LCT: variants seen among roughly 807,000 people sequenced by gnomAD.
The protein encoded by LCT is lactase, also known as lactase/phlorizin hydrolase.
A neutral mutation model predicts 173.0 loss-of-function variants in LCT; 90 were observed. The observed-to-expected ratio is 0.52, with a 90% confidence interval of 0.44 to 0.62. The LOEUF (loss-of-function observed/expected upper bound fraction) is 0.62. Ranked by LOEUF, LCT falls within the 20% of genes least tolerant of loss-of-function variation. The pLI is 0.00. For missense variants in LCT, 1,864 were observed against 2,431.4 expected (o/e 0.77, Z 4.91); for synonymous variants, 853 against 957.6 (o/e 0.89, Z 2.02).
At chr2:135,834,418 C>T (rs1475827264) in intron 1 of LCT, among the ~76,000 whole-genome samples, 3 of 150,028 alleles carry the variant, frequency 2.0e-5, no homozygotes, top group African/African-American at 7.3e-5. Context: ...ATCTTCTGAC[C>T]TTGTGACCCG....
intron 16 of LCT, among the ~76,000 whole-genome samples, chr2:135,788,960 A>C (rs1329882550): frequency 6.6e-6 from 1 of 152,180 alleles, no homozygotes; most frequent in Non-Finnish European, 1.5e-5. Context: ...CAATATGTTA[A>C]ATAATTGTGT....
At position 135,822,009 on chromosome 2, in the gene LCT, C is replaced by T. The variant is rs1436583027; in HGVS notation, c.986+11G>A. 4 of 1,511,788 alleles carry T rather than the reference C, an allele frequency of 2.6e-6. No homozygotes were observed. The South Asian group carries it at 4.5e-5, about 17-fold the overall frequency. The allele number at this position is 1,511,788 out of a possible 1,614,324, so 93.6% of individuals were successfully genotyped here. On this transcript the variant is annotated intron_variant, in intron 5 of 16. Coordinates refer to ENST00000264162, the MANE Select transcript of LCT (RefSeq NM_002299.4). ...CAGTTATTGATAGTTCAATAGGCAA[C>T]CTGACATTACCTTTTCTTGGAACTT...
intron 3 of LCT, among the ~76,000 whole-genome samples, chr2:135,826,066 G>T (rs1346755304): frequency 6.6e-6 from 1 of 152,198 alleles, no homozygotes; most frequent in African/African-American, 2.4e-5. Flanking sequence ...CTCAGGGGTT[G>T]TCAGCTGTCA....
In LCT at chr2:135,805,002, G is replaced by C. The variant is rs142685465; in HGVS notation, c.4229C>G (p.Ser1410Cys). 6.2e-7 allele frequency: 1 copy of C among 1,614,200 alleles called. No individual in the cohort carries two copies. The highest frequency in any genetic ancestry group is 1.1e-5 in the South Asian group (1 of 91,086). ...GKGLSIWDTF[S>C]HTPLRVENDA... is the part of the protein sequence containing the mutation. Reference sequence around the variant, plus strand: ...GTTCTCAACCCTCAGTGGTGTGTGAGAAAACGTGTCCCAAATGCTGAGTCC... The same window carrying C: ...GTTCTCAACCCTCAGTGGTGTGTGACAAAACGTGTCCCAAATGCTGAGTCC... The change falls in exon 10 of 17, where the codon TCT becomes TGT. Residue 1410 changes from serine to cysteine, a missense_variant. Physicochemically the swap from Ser to Cys is moderately radical, Grantham distance 112. Transcript: ENST00000264162.
rs1298144240 is a variant in LCT at position 135,809,960 on chromosome 2, T to A, written c.2387A>T (p.Tyr796Phe). Reference protein sequence around the residue: ...IKEDSVDVRSYIARSLIDGFE... With the variant: ...IKEDSVDVRSFIARSLIDGFE... ...GCCATCAATGAGGGAACGAGCAATG[T>A]AGGAACGAACATCCACAGAGTCTTC... Residue 796 changes from tyrosine to phenylalanine, a missense_variant, in exon 8 of 17, where the codon TAC (tyrosine) becomes TTC (phenylalanine). Around this residue, in one of 4 missense-constraint regions of LCT, gnomAD observed 755 missense variants for 926.3 expected, o/e 0.82. Transcript: ENST00000264162. This position sits in a 1 kb window ranked among gnomAD's most constrained non-coding sequence, Gnocchi z 5.5. 6.2e-7 allele frequency: 1 copy of A among 1,613,670 alleles called. No individual in the cohort carries two copies. The highest frequency in any genetic ancestry group is 8.5e-7 in the Non-Finnish European group (1 of 1,179,722).
intron 6 of LCT, among the ~76,000 whole-genome samples, chr2:135,814,285 C>A (rs1379310345): frequency 6.6e-6 from 1 of 152,168 alleles, no homozygotes; most frequent in Non-Finnish European, 1.5e-5. Flanking sequence ...GCAAACTGTG[C>A]TCCTTTCCCA....
chr2:135,816,869 CA>C lies in LCT; in HGVS notation c.1707+471del, dbSNP rs1433844356. ...GGTCTGGACAAAATAAGGTGATTAA[CA>C]ATTTTTTTTTTTTTTTGAGACAGGG... On this transcript the variant is annotated intron_variant, in intron 6 of 16. Transcript: ENST00000264162. Among the ~76,000 whole-genome samples, 5 of 114,050 alleles carry C rather than the reference CA, an allele frequency of 4.4e-5. No homozygotes were observed. The East Asian group carries it at 7.9e-4, about 18-fold the overall frequency. The allele number at this position is 114,050 out of a possible 152,430, so 74.8% of individuals were successfully genotyped here.
intron 1 of LCT, among the ~76,000 whole-genome samples, chr2:135,835,957 A>T (rs1679335589): frequency 7.2e-6 from 1 of 138,862 alleles, no homozygotes. Flanking sequence ...GGCAAGGGGT[A>T]TTTCAAAAAT....
rs761696901 is a variant in LCT, at chr2:135,789,605, G to A, written c.5529C>T (p.Pro1843=). The change falls in exon 16 of 17, where the codon CCC becomes CCT. Residue 1843 remains proline (P), a synonymous_variant. Coordinates refer to ENST00000264162, the MANE Select transcript of LCT (RefSeq NM_002299.4). ...GGAGACAAGCGTGAGGCCCTGTAGCGGGGTCAGGGAAGCCATTGCATCGGA... is the reference window on the plus strand; with the variant it reads ...GGAGACAAGCGTGAGGCCCTGTAGCAGGGTCAGGGAAGCCATTGCATCGGA... ...SVVRCNGFPD[P]ATGPHACLHQ... 1.6e-5 allele frequency: 26 copies of A among 1,613,706 alleles called. No individual in the cohort carries two copies. The highest frequency in any genetic ancestry group is 2.2e-5 in the East Asian group (1 of 44,892).
At chr2:135,831,399 G>A (rs941124287) in intron 2 of LCT, among the ~76,000 whole-genome samples, 12 of 143,998 alleles carry the variant, frequency 8.3e-5, no homozygotes, top group Non-Finnish European at 1.7e-4. Flanking sequence ...AGAGAGAGAG[G>A]CCCACACGTT....
chr2:135,801,243 GCAAAT>G (rs1025504968), intron 11 of LCT, among the ~76,000 whole-genome samples: 7 of 152,148 alleles, frequency 4.6e-5, no homozygotes, highest in Admixed American at 6.5e-5. Context: ...TTAGGCTGGA[GCAAAT>G]CAAATCAGAT....
Position 135,809,334 on chromosome 2 carries a change from T to C in LCT, c.3013A>G (p.Asn1005Asp), listed in dbSNP as rs2077712035. Reference sequence around the variant, plus strand: ...AAGATGTTGCTTGCCACCAAGCCATTGATCAGCCTGTTGTAATAATCAACC... The same window carrying C: ...AAGATGTTGCTTGCCACCAAGCCATCGATCAGCCTGTTGTAATAATCAACC... Reference protein sequence around the residue: ...HGVDYYNRLINGLVASNIFPM... With the variant: ...HGVDYYNRLIDGLVASNIFPM... The change falls in exon 8 of 17, where the codon AAT becomes GAT. Residue 1005 changes from asparagine (N) to aspartate (D), a missense_variant. Physicochemically the swap from Asn to Asp is conservative, Grantham distance 23 (BLOSUM62 1). Coordinates refer to ENST00000264162, the MANE Select transcript of LCT (RefSeq NM_002299.4). The surrounding 1 kb of genome is among the most constrained non-coding windows in gnomAD (Gnocchi z 5.5). The C allele has an allele frequency of 6.2e-7, 1 of 1,614,224 alleles. No homozygotes were observed. The highest frequency in any genetic ancestry group is 8.5e-7 in the Non-Finnish European group (1 of 1,180,046).
intron 6 of LCT, among the ~76,000 whole-genome samples, chr2:135,816,320 A>C (rs1357845053): frequency 2.6e-5 from 4 of 152,164 alleles, no homozygotes; most frequent in Non-Finnish European, 5.9e-5. Flanking sequence ...GTCAGTTGTC[A>C]CAGCCTCCTG....
chr2:135,822,216 GC>G (rs1342731176), intron 4 of LCT, 118 bp from the exon 5 acceptor site: 3 of 738,326 alleles, frequency 4.1e-6, no homozygotes, highest in Non-Finnish European at 7.4e-6. Flanking sequence ...GTGGTTCCAA[GC>G]CCCTTTGGAA....
chr2:135,795,133 A>G (rs183935388), intron 13 of LCT, among the ~76,000 whole-genome samples: 207 of 152,242 alleles, frequency 1.4e-3, no homozygotes, highest in African/African-American at 4.9e-3. Context: ...AGCATCTATG[A>G]CAGATTTCAA....
chr2:135,821,485 C>G (rs991685373), intron 5 of LCT, among the ~76,000 whole-genome samples: 2 of 152,176 alleles, frequency 1.3e-5, no homozygotes, highest in African/African-American at 4.8e-5. Flanking sequence ...CTCACACTGT[C>G]TCCAGCAAGA....
Position 135,809,810 on chromosome 2 carries a change from C to A in LCT, c.2537G>T (p.Gly846Val), listed in dbSNP as rs2077718852. ...YFFTSIIEKN[G>V]FLTKGAKRLL... ...TCTTTTTGCCCCCTTGGTGAGGAAACCGTTCTTTTCTATGATGCTAGTGAA... is the reference window on the plus strand; with the variant it reads ...TCTTTTTGCCCCCTTGGTGAGGAAAACGTTCTTTTCTATGATGCTAGTGAA... The change falls in exon 8 of 17, where the codon GGT becomes GTT. Residue 846 changes from glycine (G) to valine (V), a missense_variant. Coordinates refer to ENST00000264162, the MANE Select transcript of LCT (RefSeq NM_002299.4). This position sits in a 1 kb window ranked among gnomAD's most constrained non-coding sequence, Gnocchi z 5.5. The A allele has an allele frequency of 3.7e-6, 6 of 1,614,130 alleles. No homozygotes were observed. Among genetic ancestry groups the A allele is most frequent in the Non-Finnish European group, 5.1e-6 (6 of 1,180,032 alleles).
At chr2:135,792,094 T>A (rs1358390260) in intron 14 of LCT, among the ~76,000 whole-genome samples, 1 of 152,234 alleles carries the variant, frequency 6.6e-6, no homozygotes. Flanking sequence ...GGGGAAAGTC[T>A]GCCTCTGAAC....
chr2:135,825,595 G>A (rs964026091), intron 3 of LCT, among the ~76,000 whole-genome samples: 20 of 151,988 alleles, frequency 1.3e-4, no homozygotes, highest in African/African-American at 4.4e-4. Context: ...CTGATAAGTG[G>A]ATGGGGGACC....
Sources: gnomAD v4.1 joint callset for allele counts (sites outside exome capture counted in the v4.1 genomes callset) on GRCh38, gnomAD v4.1.1 for gene constraint, gnomAD v4.1.1 regional missense constraint, Gnocchi (gnomAD v3.1) non-coding constraint, MANE v1.5 for transcripts, NCBI Gene and HGNC (gene_info 2026-07-23, HGNC 2026-07-21) for gene names.